TRIP12: variants seen among roughly 807,000 people sequenced by gnomAD.
The protein encoded by TRIP12 is thyroid hormone receptor interactor 12, also known as E3 ubiquitin-protein ligase TRIP12.
Under a neutral mutation model 244.2 loss-of-function variants are expected in TRIP12, and 25 were observed. That is an observed-to-expected ratio of 0.10 (90% CI 0.07 to 0.14). The LOEUF (loss-of-function observed/expected upper bound fraction) is 0.14. Ranked by LOEUF, TRIP12 falls within the 10% of genes least tolerant of loss-of-function variation. TRIP12 has a pLI of 1.00. For missense variants in TRIP12, 1,677 were observed against 2,486.4 expected (o/e 0.67, Z 6.92); for synonymous variants, 905 against 873.1 (o/e 1.04, Z -0.64).
chr2:229,832,464 T>C lies in TRIP12; in HGVS notation c.1271-1625A>G, dbSNP rs180750289. On this transcript the variant is annotated intron_variant, in intron 6 of 41. Coordinates refer to ENST00000675903, the MANE Select transcript of TRIP12 (RefSeq NM_001348323.3). ...GACAGATTAACCAGAAATACTGAAG[T>C]TGTATAAAGGCTGGGCAAAACCCAC... Among the ~76,000 whole-genome samples, 289 of 152,266 alleles carry C rather than the reference T, an allele frequency of 1.9e-3. 1 individual carries two copies. Among genetic ancestry groups the C allele is most frequent in the Middle Eastern group, 6.8e-3 (2 of 294 alleles).
intron 34 of TRIP12, among the ~76,000 whole-genome samples, chr2:229,780,467 G>C (rs547574610): frequency 3.3e-5 from 5 of 152,020 alleles, no homozygotes; most frequent in Non-Finnish European, 1.5e-5. Flanking sequence ...ACAAGTTCGC[G>C]GCATCCCTTT....
intron 1 of TRIP12, among the ~76,000 whole-genome samples, chr2:229,900,295 T>C (rs1339374438): frequency 6.6e-6 from 1 of 152,222 alleles, no homozygotes; most frequent in East Asian, 1.9e-4. Context: ...TTTGGCATCT[T>C]CCAATAACTG....
chr2:229,792,332 T>C (rs2041750346), intron 27 of TRIP12, 106 bp from the exon 28 acceptor site: 1 of 1,079,486 alleles, frequency 9.3e-7, no homozygotes, highest in Non-Finnish European at 1.4e-6. Context: ...CACATATAGG[T>C]TGAGTATCCC....
intron 1 of TRIP12, among the ~76,000 whole-genome samples, chr2:229,902,335 G>A (rs1408678925): frequency 2.6e-5 from 4 of 152,122 alleles, no homozygotes; most frequent in African/African-American, 7.2e-5. Context: ...AGCCGAGATC[G>A]CGCCACTCTA....
intron 1 of TRIP12, among the ~76,000 whole-genome samples, chr2:229,898,357 TAAC>T (rs1046310497): frequency 1.3e-5 from 2 of 152,200 alleles, no homozygotes; most frequent in Admixed American, 6.5e-5. Context: ...GCGCACGAAG[TAAC>T]AACAATGTAC....
intron 25 of TRIP12, among the ~76,000 whole-genome samples, chr2:229,796,032 AAGG>A (rs749705491): frequency 4.6e-5 from 7 of 152,238 alleles, no homozygotes; most frequent in Non-Finnish European, 1.0e-4. Flanking sequence ...ACTGTAAAAC[AAGG>A]AGAATGCTGT....
intron 1 of TRIP12, among the ~76,000 whole-genome samples, chr2:229,888,516 G>C (rs532357298): frequency 6.6e-6 from 1 of 152,260 alleles, no homozygotes; most frequent in African/African-American, 2.4e-5. Flanking sequence ...AATAAATCAG[G>C]ATAGTGGTGT....
chr2:229,803,802 AC>A (rs1276284085), intron 19 of TRIP12, 113 bp from the exon 20 acceptor site: 18 of 909,620 alleles, frequency 2.0e-5, no homozygotes, highest in Non-Finnish European at 2.9e-5. Context: ...CATTCTATTA[AC>A]ATAAACATTT....
At chr2:229,920,621 T>C (rs1486668895) in intron 1 of TRIP12, among the ~76,000 whole-genome samples, 1 of 152,184 alleles carries the variant, frequency 6.6e-6, no homozygotes, top group African/African-American at 2.4e-5. Context: ...AACATTTGTC[T>C]TAAGGGTTTG....
chr2:229,818,088 A>C lies in TRIP12; in HGVS notation c.1599+276T>G, dbSNP rs576220290. 3.3e-5 allele frequency among the ~76,000 whole-genome samples: 5 copies of C among 152,268 alleles called. No individual in the cohort carries two copies. The East Asian group carries it at 7.7e-4, about 23-fold the overall frequency. On this transcript the variant is annotated intron_variant, in intron 9 of 41. Transcript: ENST00000675903. ...ATGTGCATTTTACATGGCAGGAGTC[A>C]AGGTTACTGATGAGGTGAACAACTT... is the stretch of plus-strand genomic sequence containing the variant.
At chr2:229,794,147 C>T (rs2042219508) in intron 26 of TRIP12, among the ~76,000 whole-genome samples, 1 of 152,158 alleles carries the variant, frequency 6.6e-6, no homozygotes, top group Non-Finnish European at 1.5e-5. Context: ...ATACCACACA[C>T]TACATTAAAT....
At chr2:229,858,654 A>G (rs958985805) in intron 4 of TRIP12, 118 bp downstream of exon 4, 34 of 846,594 alleles carry the variant, frequency 4.0e-5, no homozygotes, top group African/African-American at 8.6e-5. Flanking sequence ...AGACAGTAAT[A>G]CATCTAAGAT....
At chr2:229,882,784 A>G (rs1474400102) in intron 1 of TRIP12, among the ~76,000 whole-genome samples, 2 of 152,206 alleles carry the variant, frequency 1.3e-5, no homozygotes, top group Admixed American at 6.5e-5. Context: ...AAACTAAGTC[A>G]GGCTAGTTGT....
intron 2 of TRIP12, among the ~76,000 whole-genome samples, chr2:229,862,510 C>T (rs536184785): frequency 1.3e-5 from 2 of 152,236 alleles, no homozygotes; most frequent in African/African-American, 2.4e-5. Context: ...AATTAAATCA[C>T]GTTTTCTACT....
chr2:229,770,478 A>G (rs185038524), intron 39 of TRIP12, among the ~76,000 whole-genome samples: 1 of 152,250 alleles, frequency 6.6e-6, no homozygotes, highest in African/African-American at 2.4e-5. Context: ...AGTTAATCAA[A>G]AATTTATAGA....
intron 33 of TRIP12, among the ~76,000 whole-genome samples, chr2:229,786,564 A>ATTTTTTTTTTTTTTTTTTTTTTTT (rs34969936): frequency 1.3e-5 from 1 of 78,008 alleles, no homozygotes; most frequent in African/African-American, 5.4e-5. Context: ...CGCCCAGATA[A>ATTTTTTTTTTTTTTTTTTTTTTTT]TTTTTTTTTT....
intron 1 of TRIP12, among the ~76,000 whole-genome samples, chr2:229,920,400 G>A (rs1041834903): frequency 2.0e-5 from 3 of 152,140 alleles, no homozygotes; most frequent in Non-Finnish European, 2.9e-5. Flanking sequence ...GACTAGGAAA[G>A]GAGACAGCAG....
chr2:229,833,617 T>C (rs2054011295), intron 6 of TRIP12, among the ~76,000 whole-genome samples: 1 of 152,122 alleles, frequency 6.6e-6, no homozygotes, highest in African/African-American at 2.4e-5. Context: ...GGTGCTGGTT[T>C]TGACAGAAAT....
chr2:229,782,508 T>C (rs917630795), intron 34 of TRIP12, among the ~76,000 whole-genome samples: 1 of 152,192 alleles, frequency 6.6e-6, no homozygotes. Flanking sequence ...CCACACTCTT[T>C]GGTACCTTTG....
Sources: gnomAD v4.1 joint callset for allele counts (sites outside exome capture counted in the v4.1 genomes callset) on GRCh38, gnomAD v4.1.1 for gene constraint, MANE v1.5 for transcripts, NCBI Gene and HGNC (gene_info 2026-07-23, HGNC 2026-07-21) for gene names.